The following NDE1 variants were observed in gnomAD, a reference collection of about 807,000 sequenced individuals.
NDE1 encodes nuclear distribution protein nudE homolog 1.
A neutral mutation model predicts 43.4 loss-of-function variants in NDE1; 28 were observed. The observed-to-expected ratio is 0.65, with a 90% CI of 0.48 to 0.89. The LOEUF (loss-of-function observed/expected upper bound fraction) is 0.89. Among genes scored for constraint, NDE1 ranks in the 40% least tolerant of loss-of-function variants. The pLI is 0.00. For missense variants in NDE1, 441 were observed against 434.1 expected, an observed-to-expected ratio of 1.02 and a Z score of -0.14; for synonymous variants, 184 against 172.0, an observed-to-expected ratio of 1.07 and a Z score of -0.55.
At chr16:15,685,672 C>CT (rs2151096448) in intron 4 of NDE1, among the ~76,000 whole-genome samples, 1 of 152,226 alleles carries the variant, frequency 6.6e-6, no homozygotes, top group South Asian at 2.1e-4. Context: ...AATAAATGAA[C>CT]TGATGCAGCC....
chr16:15,711,528 T>TACA (rs1253632740), intron 8 of NDE1, among the ~76,000 whole-genome samples: 1 of 152,204 alleles, frequency 6.6e-6, no homozygotes, highest in Non-Finnish European at 1.5e-5. Context: ...GGTATGTTTA[T>TACA]TTGCCGTTAT....
chr16:15,685,984 C>T (rs1489989591), intron 4 of NDE1, among the ~76,000 whole-genome samples: 1 of 148,216 alleles, frequency 6.7e-6, no homozygotes, highest in African/African-American at 2.5e-5. Context: ...AACATTCTTA[C>T]TCTGTTGCCC....
At chr16:15,694,345 CTTT>C in intron 7 of NDE1, 89 bp downstream of exon 7, 1 of 1,552,048 alleles carries the variant, frequency 6.4e-7, no homozygotes, top group Non-Finnish European at 8.7e-7. Context: ...TCCCTCTCTT[CTTT>C]TTTTCTTTTT....
At chr16:15,708,287 G>A (rs764794268) in intron 8 of NDE1, among the ~76,000 whole-genome samples, 18 of 152,208 alleles carry the variant, frequency 1.2e-4, no homozygotes, top group Non-Finnish European at 2.5e-4. Context: ...AGGACTGGTT[G>A]CCGCGCCGCA....
chr16:15,701,264 C>T (rs886359099), intron 8 of NDE1: 1 of 151,850 alleles, frequency 6.6e-6, no homozygotes, highest in South Asian at 2.1e-4. Flanking sequence ...GTGTCATAAA[C>T]CTCTGAGACT....
intron 5 of NDE1, among the ~76,000 whole-genome samples, chr16:15,688,308 T>A (rs1175514857): frequency 6.6e-6 from 1 of 152,040 alleles, no homozygotes; most frequent in Non-Finnish European, 1.5e-5. Context: ...TCTTTTTCAG[T>A]TGGCACTTCC....
At chr16:15,717,667 G>A (rs1429926287) in intron 8 of NDE1, 9 of 443,712 alleles carry the variant, frequency 2.0e-5, no homozygotes, top group Non-Finnish European at 1.2e-5. Context: ...GTGGTGGCAC[G>A]TGCCTGTAGT....
Position 15,724,591 on chromosome 16 carries a change from TCAGCG to T in NDE1, c.*344_*348del. ...CACCGCGATCTGCCTGCGGGGGATC[TCAGCG>T]CAGAGAAGTTGAGAGGACCCATGAA... On this transcript the variant is annotated 3_prime_UTR_variant, in exon 9 of 9. Transcript: ENST00000396354. 1 of 1,612,010 alleles carries T rather than the reference TCAGCG, an allele frequency of 6.2e-7. No homozygotes were observed. The highest frequency in any genetic ancestry group is 8.5e-7 in the Non-Finnish European group (1 of 1,179,462).
intron 8 of NDE1, chr16:15,714,801 G>C: frequency 7.5e-7 from 1 of 1,329,756 alleles, no homozygotes; most frequent in South Asian, 1.2e-5. Flanking sequence ...ACAGAAGGGA[G>C]TGGCGGCTGT....
At chr16:15,693,421 C>A (rs1378070419) in intron 6 of NDE1, among the ~76,000 whole-genome samples, 1 of 152,144 alleles carries the variant, frequency 6.6e-6, no homozygotes, top group Non-Finnish European at 1.5e-5. Context: ...GTCTATAGTT[C>A]TTGTATCTAT....
chr16:15,708,868 G>T (rs1462128665), intron 8 of NDE1: 2 of 1,606,520 alleles, frequency 1.2e-6, no homozygotes, highest in East Asian at 2.2e-5. Context: ...ATCCCCGGAG[G>T]TTACCATCAG....
intron 4 of NDE1, among the ~76,000 whole-genome samples, chr16:15,686,825 A>T (rs918080078): frequency 5.9e-5 from 9 of 152,116 alleles, no homozygotes; most frequent in African/African-American, 2.2e-4. Flanking sequence ...TCAGCCTCCC[A>T]AGTAGCTGGG....
chr16:15,672,184 C>G (rs1461492156), intron 3 of NDE1, among the ~76,000 whole-genome samples: 2 of 151,990 alleles, frequency 1.3e-5, no homozygotes, highest in East Asian at 1.9e-4. Context: ...CCTGTAATGC[C>G]AGCACTTTGG....
At chr16:15,693,383 C>T (rs557634722) in intron 6 of NDE1, among the ~76,000 whole-genome samples, 27 of 152,236 alleles carry the variant, frequency 1.8e-4, no homozygotes, top group African/African-American at 6.3e-4. Flanking sequence ...CTCTGCAGAG[C>T]GGGACCCTTG....
At chr16:15,694,909 T>C in intron 7 of NDE1, 2 of 985,218 alleles carry the variant, frequency 2.0e-6, no homozygotes, top group Non-Finnish European at 2.4e-6. Context: ...CGGGTGCTCA[T>C]ACCTGTAATC....
rs975182138 is a variant in NDE1 at position 15,678,232 on chromosome 16, G to A, written c.386+283G>A. 2.0e-5 allele frequency among the ~76,000 whole-genome samples: 3 copies of A among 152,300 alleles called. No homozygotes were observed. In the East Asian group the frequency reaches 5.8e-4, roughly 29 times the overall value. On this transcript the variant is annotated intron_variant, in intron 4 of 8. Transcript: ENST00000396354. ...GGAGCGTCAGGCGAGCCTTACCAGG[G>A]GAAATGCTATTTAGGCTAAGACCAG...
At chr16:15,715,216 A>C in intron 8 of NDE1, 1 of 1,614,034 alleles carries the variant, frequency 6.2e-7, no homozygotes, top group Non-Finnish European at 8.5e-7. Context: ...CTGCAGCAAG[A>C]TTTCCTTCAG....
At chr16:15,719,128 G>GA (rs973991177) in intron 8 of NDE1, 20 of 1,339,012 alleles carry the variant, frequency 1.5e-5, no homozygotes, top group Non-Finnish European at 1.8e-5. Flanking sequence ...ACTCTGTCTC[G>GA]AAAAAATTTA....
At chr16:15,685,932 C>A (rs1203714018) in intron 4 of NDE1, among the ~76,000 whole-genome samples, 1 of 149,740 alleles carries the variant, frequency 6.7e-6, no homozygotes, top group African/African-American at 2.5e-5. Flanking sequence ...TGTAAAACAT[C>A]TGTTGTGTGC....
Sources: allele counts gnomAD v4.1 joint callset (sites outside exome capture counted in the v4.1 genomes callset), GRCh38; gene constraint gnomAD v4.1.1; transcripts MANE v1.5; gene names NCBI Gene and HGNC (gene_info 2026-07-23, HGNC 2026-07-21).